Variants in CALR3 observed in about 807,000 individuals in gnomAD.
CALR3 encodes calreticulin-3.
A neutral mutation model predicts 48.7 loss-of-function variants in CALR3; 39 were observed. That is an observed-to-expected ratio of 0.80 (90% CI 0.62 to 1.05). The LOEUF (loss-of-function observed/expected upper bound fraction) is 1.05. Among genes scored for constraint, CALR3 ranks in the 50% least tolerant of loss-of-function variants. The probability of loss-of-function intolerance (pLI) is 0.00; values close to 1 mark genes in which losing one functional copy is unlikely to be tolerated. For missense variants in CALR3, 449 were observed against 474.7 expected (o/e 0.95, Z 0.50); for synonymous variants, 185 against 172.7 (o/e 1.07, Z -0.56).
intron 7 of CALR3, 39 bp downstream of exon 7, chr19:16,482,411 A>T (rs765866394): frequency 1.2e-6 from 2 of 1,613,322 alleles, no homozygotes; most frequent in Admixed American, 1.7e-5. Context: ...CAAAACACAC[A>T]CACGCAAAAA....
chr19:16,484,169 T>C, intron 4 of CALR3, 54 bp from the exon 5 acceptor site: 6 of 1,473,138 alleles, frequency 4.1e-6, no homozygotes, highest in Non-Finnish European at 5.5e-6. Flanking sequence ...TTCTTTTTTC[T>C]TTTCTTTTCT....
chr19:16,481,014 T>G (rs1343964186), intron 7 of CALR3, among the ~76,000 whole-genome samples: 1 of 151,740 alleles, frequency 6.6e-6, no homozygotes, highest in African/African-American at 2.4e-5. Context: ...AATTACCAGG[T>G]GTGGTCGTGC....
At chr19:16,495,692 A>C in intron 2 of CALR3, 59 bp downstream of exon 2, 55 of 1,312,836 alleles carry the variant, frequency 4.2e-5, no homozygotes, top group Non-Finnish European at 5.3e-5. Context: ...ACAACTACCT[A>C]GAGAGGTTGC....
chr19:16,480,693 G>A lies in CALR3; in HGVS notation c.932C>T (p.Thr311Ile). ...GLELWQVRSG[T>I]IFDNFLITDD... is the part of the protein sequence containing the mutation. ...TGTGATCAGAAAGTTATCAAAAATG[G>A]TTCCAGATCTCACCTGCAGATGAAA... The change falls in exon 8 of 9, where the codon ACC becomes ATC. Residue 311 changes from threonine to isoleucine, a missense_variant. By Grantham distance (89) the Thr-to-Ile change is moderately conservative. Transcript: ENST00000269881. 1.2e-6 allele frequency: 2 copies of A among 1,612,738 alleles called. No individual in the cohort carries two copies. The highest frequency in any genetic ancestry group is 1.7e-6 in the Non-Finnish European group (2 of 1,178,840).
rs559213492 is a variant in CALR3, at chr19:16,496,132, G to C, written c.-3C>G. 6.3e-7 allele frequency: 1 copy of C among 1,597,306 alleles called. No individual in the cohort carries two copies. The highest frequency in any genetic ancestry group is 2.3e-5 in the East Asian group (1 of 44,220). ...AGCTGGACCAAAGCCCGGGCCATGG[G>C]GGTGTGCACTGCGCTTCCGGTCGCC... On this transcript the variant is annotated 5_prime_UTR_variant, in exon 1 of 9. Coordinates refer to ENST00000269881, the MANE Select transcript of CALR3 (RefSeq NM_145046.5).
intron 3 of CALR3, among the ~76,000 whole-genome samples, chr19:16,489,992 G>T (rs2093395315): frequency 6.6e-6 from 1 of 152,144 alleles, no homozygotes; most frequent in African/African-American, 2.4e-5. Context: ...GTGGATTTCA[G>T]ATTTTTCAGA....
At chr19:16,489,411 G>T (rs1236530724) in intron 3 of CALR3, among the ~76,000 whole-genome samples, 1 of 152,202 alleles carries the variant, frequency 6.6e-6, no homozygotes, top group Non-Finnish European at 1.5e-5. Context: ...CTGAGATCGG[G>T]AGTTCAAGAC....
chr19:16,482,363 A>T, intron 7 of CALR3, 87 bp downstream of exon 7: 1 of 1,565,932 alleles, frequency 6.4e-7, no homozygotes. Flanking sequence ...TAGGTGACAG[A>T]ATGAGACCCT....
Position 16,482,520 on chromosome 19 carries a change from G to A in CALR3, c.848C>T (p.Thr283Ile), listed in dbSNP as rs75099211. 2.3e-4 allele frequency: 373 copies of A among 1,614,206 alleles called. No individual in the cohort carries two copies. The African/African-American group carries it at 4.6e-3, about 20-fold the overall frequency. Reference protein sequence around the residue: ...DVWLHRKMKNTDYLTQYDLSE... With the variant: ...DVWLHRKMKNIDYLTQYDLSE... ...GAGGTCATACTGCGTCAAATAGTCG[G>A]TATTCTTCATCTTACGGTGGAGCCA... Residue 283 changes from threonine (T) to isoleucine (I), a missense_variant, in exon 7 of 9, where the codon ACC becomes ATC. Coordinates refer to ENST00000269881, the MANE Select transcript of CALR3 (RefSeq NM_145046.5).
intron 4 of CALR3, 65 bp from the exon 5 acceptor site, chr19:16,484,180 T>TA: frequency 2.5e-6 from 2 of 793,896 alleles, no homozygotes; most frequent in East Asian, 4.8e-5. Flanking sequence ...TTTCTTTTCT[T>TA]TTTTTTTTTT....
At chr19:16,493,734 A>G (rs201310838) in intron 2 of CALR3, among the ~76,000 whole-genome samples, 1 of 135,300 alleles carries the variant, frequency 7.4e-6, no homozygotes, top group Admixed American at 8.4e-5. Context: ...ATATATATAT[A>G]TTTTTTTTCT....
At chr19:16,495,392 C>G (rs1446303928) in intron 2 of CALR3, among the ~76,000 whole-genome samples, 1 of 151,454 alleles carries the variant, frequency 6.6e-6, no homozygotes, top group Non-Finnish European at 1.5e-5. Context: ...GACCCTGTCT[C>G]TACTAAAAGT....
Position 16,480,527 on chromosome 19 carries a change from G to A in CALR3, c.1011+87C>T, listed in dbSNP as rs1568484869. ...AGACTATGCCACTACATTACAGCCT[G>A]GGTGACAGAGCTAGACTCCATCTAA... On this transcript the variant is annotated intron_variant, in intron 8 of 8. Transcript: ENST00000269881. 3 of 856,356 alleles carry A rather than the reference G, an allele frequency of 3.5e-6. No individual in the cohort carries two copies. The East Asian group carries it at 7.5e-5, about 21-fold the overall frequency. The allele number at this position is 856,356 out of a possible 1,614,324, so 53.0% of individuals were successfully genotyped here. A position where few individuals can be genotyped will look rare whatever the true frequency, so the allele number is the denominator to read the frequency against.
chr19:16,492,313 G>A (rs572956810), intron 2 of CALR3, among the ~76,000 whole-genome samples: 6 of 152,050 alleles, frequency 3.9e-5, no homozygotes, highest in Admixed American at 3.9e-4. Context: ...AAAATTAGCC[G>A]AGCGTAGTGG....
intron 3 of CALR3, among the ~76,000 whole-genome samples, chr19:16,486,611 T>G (rs1474943160): frequency 1.9e-5 from 2 of 104,830 alleles, no homozygotes; most frequent in Non-Finnish European, 4.0e-5. Flanking sequence ...CAGAGCAAGA[T>G]TCTATCTCAA....
intron 3 of CALR3, among the ~76,000 whole-genome samples, chr19:16,488,514 C>T (rs553902312): frequency 1.3e-5 from 2 of 152,282 alleles, no homozygotes; most frequent in East Asian, 1.9e-4. Flanking sequence ...AAGCAATTCT[C>T]CTGCCTCAGC....
intron 1 of CALR3, 41 bp from the exon 2 acceptor site, chr19:16,495,893 G>T: frequency 6.3e-7 from 1 of 1,593,894 alleles, no homozygotes. Context: ...AGGTGATAAT[G>T]GTTAATTTGG....
intron 3 of CALR3, among the ~76,000 whole-genome samples, chr19:16,487,789 C>T (rs565515826): frequency 1.3e-4 from 19 of 151,406 alleles, no homozygotes; most frequent in South Asian, 6.3e-4. Flanking sequence ...TACAGGCATG[C>T]GCCACCACGC....
Position 16,482,584 on chromosome 19 carries a change from G to C in CALR3, c.787-3C>G, listed in dbSNP as rs201265595. The stretch of plus-strand genomic sequence containing the variant: ...ATACCTTCTGGTTTCAGGCCATCCT[G>C]TATCAAAAAAACCATATGGGGTGGT... On this transcript the variant is annotated splice_region_variant and splice_polypyrimidine_tract_variant and intron_variant, in intron 6 of 8. Transcript: ENST00000269881. 5.8e-5 allele frequency: 93 copies of C among 1,613,978 alleles called. No individual in the cohort carries two copies. Among genetic ancestry groups the C allele is most frequent in the Non-Finnish European group, 6.9e-5 (81 of 1,180,024 alleles).
Sources: allele counts gnomAD v4.1 joint callset (sites outside exome capture counted in the v4.1 genomes callset), GRCh38; gene constraint gnomAD v4.1.1; transcripts MANE v1.5; gene names NCBI Gene and HGNC (gene_info 2026-07-23, HGNC 2026-07-21).